SPCS2: variants seen among roughly 807,000 people sequenced by gnomAD.
The protein encoded by SPCS2 is SPase 25 kDa subunit.
A neutral mutation model predicts 22.3 loss-of-function variants in SPCS2; 3 were observed. The ratio of observed to expected loss-of-function variants is 0.13; its 90% CI spans 0.06 to 0.35. The LOEUF is 0.35. Ranked by LOEUF, SPCS2 falls within the 10% of genes least tolerant of loss-of-function variation. The pLI is 1.00. For synonymous variants in SPCS2, 67 were observed against 97.2 expected, an observed-to-expected ratio of 0.69 and a Z score of 1.83; for missense variants, 169 against 280.9, an observed-to-expected ratio of 0.60 and a Z score of 2.85.
chr11:74,950,094 G>C (rs909170915), intron 1 of SPCS2, among the ~76,000 whole-genome samples: 1 of 152,014 alleles, frequency 6.6e-6, no homozygotes, highest in African/African-American at 2.4e-5. Context: ...TAGCAACAAG[G>C]GTTTAAAAGA....
At chr11:74,967,374 T>C (rs575862371) in intron 3 of SPCS2, among the ~76,000 whole-genome samples, 1 of 152,350 alleles carries the variant, frequency 6.6e-6, no homozygotes, top group South Asian at 2.1e-4. Flanking sequence ...GTAATTCATT[T>C]GTTTGGTTAT....
At position 74,966,335 on chromosome 11, in the gene SPCS2, T is replaced by C. The variant is rs1009852276; in HGVS notation, c.359+412T>C. ...AGACTCAGATCTGTATTAAGTTTAC[T>C]TGAAGCTGAGGAGCTGAACTGGAAA... On this transcript the variant is annotated intron_variant, in intron 3 of 4. Coordinates refer to ENST00000263672, the MANE Select transcript of SPCS2 (RefSeq NM_014752.3). 3.9e-5 allele frequency among the ~76,000 whole-genome samples: 6 copies of C among 152,338 alleles called. No homozygotes were observed. In the East Asian group the frequency reaches 1.2e-3, roughly 29 times the overall value.
At chr11:74,976,296 A>C (rs487226) in intron 4 of SPCS2, among the ~76,000 whole-genome samples, 118,896 of 152,166 alleles carry the variant, frequency 0.78, 46,619 homozygotes, top group Non-Finnish European at 0.82. Context: ...TAGTGAAGAA[A>C]GTAGTACACA....
rs1400325782 is a variant in SPCS2, at chr11:74,949,618, G to A, written c.114+219G>A. ...TTTAGAACTTCTTCTTTTCTCGCAA[G>A]TGTTCTGGTCCTGGTCGCCACACCT... On this transcript the variant is annotated intron_variant, in intron 1 of 4. Coordinates refer to ENST00000263672, the MANE Select transcript of SPCS2 (RefSeq NM_014752.3). 6.6e-6 allele frequency: 4 copies of A among 606,880 alleles called. No individual in the cohort carries two copies. The African/African-American group carries it at 7.3e-5, about 11-fold the overall frequency. 37.6% of individuals were successfully genotyped at this position (606,880 alleles called of 1,614,324 possible). A position where few individuals can be genotyped will look rare whatever the true frequency, so the allele number is the denominator to read the frequency against.
At chr11:74,949,469 T>C in intron 1 of SPCS2, 70 bp downstream of exon 1, 1 of 1,310,818 alleles carries the variant, frequency 7.6e-7, no homozygotes, top group Non-Finnish European at 1.1e-6. Flanking sequence ...AACCTTCCCA[T>C]CCCGGTCTCC....
intron 4 of SPCS2, among the ~76,000 whole-genome samples, chr11:74,975,180 C>T (rs1165509430): frequency 1.3e-5 from 2 of 152,016 alleles, no homozygotes; most frequent in East Asian, 1.9e-4. Context: ...ACATTAGGCC[C>T]CTTTCTGTTC....
At chr11:74,958,365 G>A (rs1056066811) in intron 1 of SPCS2, among the ~76,000 whole-genome samples, 10 of 152,200 alleles carry the variant, frequency 6.6e-5, no homozygotes, top group Non-Finnish European at 2.9e-5. Context: ...TGAAGATTCA[G>A]TGTGTTGCTA....
At chr11:74,976,820 T>A in intron 4 of SPCS2, 37 bp from the exon 5 acceptor site, 2 of 1,612,814 alleles carry the variant, frequency 1.2e-6, no homozygotes, top group Non-Finnish European at 1.7e-6. Context: ...ATCTCTGTGT[T>A]TGGTTTTTAA....
intron 4 of SPCS2, among the ~76,000 whole-genome samples, chr11:74,970,354 A>G (rs1306186284): frequency 6.6e-6 from 1 of 152,220 alleles, no homozygotes. Context: ...TATGTTGGGT[A>G]TTCTGCTAAA....
Position 74,949,320 on chromosome 11 carries a change from G to C in SPCS2, c.35G>C (p.Gly12Ala), listed in dbSNP as rs1466850632. The change falls in exon 1 of 5, where the codon GGT becomes GCT. Residue 12 changes from glycine to alanine, a missense_variant. By Grantham distance (60) the Gly-to-Ala change is moderately conservative. Coordinates refer to ENST00000263672, the MANE Select transcript of SPCS2 (RefSeq NM_014752.3). Reference sequence around the variant, plus strand: ...GCAGCTGTACAGGGCGGGAGAAGCGGTGGTAGCGGAGGCTGTAGTGGGGCT... The same window carrying C: ...GCAGCTGTACAGGGCGGGAGAAGCGCTGGTAGCGGAGGCTGTAGTGGGGCT... ...AAAAVQGGRS[G>A]GSGGCSGAGG... The C allele has an allele frequency of 1.9e-6, 3 of 1,550,608 alleles. No homozygotes were observed. Among genetic ancestry groups the C allele is most frequent in the Non-Finnish European group, 1.7e-6 (2 of 1,146,684 alleles).
chr11:74,950,289 C>G (rs1383954339), intron 1 of SPCS2, among the ~76,000 whole-genome samples: 1 of 152,144 alleles, frequency 6.6e-6, no homozygotes, highest in Non-Finnish European at 1.5e-5. Context: ...GAGATTTAGC[C>G]TTAAAATGAG....
chr11:74,971,543 A>G (rs1948584441), intron 4 of SPCS2, among the ~76,000 whole-genome samples: 1 of 152,112 alleles, frequency 6.6e-6, no homozygotes, highest in African/African-American at 2.4e-5. Flanking sequence ...TGGAATGTGA[A>G]TGTTCTTGCT....
chr11:74,949,532 C>T (rs1209850977), intron 1 of SPCS2, 133 bp downstream of exon 1: 1 of 789,370 alleles, frequency 1.3e-6, no homozygotes, highest in Admixed American at 2.0e-5. Context: ...CTATCACAAC[C>T]CTACGCACGC....
intron 4 of SPCS2, among the ~76,000 whole-genome samples, chr11:74,972,922 A>G (rs914413782): frequency 2.0e-5 from 3 of 150,412 alleles, no homozygotes; most frequent in Admixed American, 6.6e-5. Flanking sequence ...TACTTAGGCA[A>G]TATTTTCCCC....
intron 1 of SPCS2, among the ~76,000 whole-genome samples, chr11:74,959,372 C>T (rs1948498606): frequency 6.6e-6 from 1 of 152,164 alleles, no homozygotes. Context: ...TTTTGCTGGA[C>T]ATATCCTAAT....
Position 74,977,073 on chromosome 11 carries a change from G to A in SPCS2, c.*30G>A. 7.4e-7 allele frequency: 1 copy of A among 1,359,258 alleles called. No homozygotes were observed. The highest frequency in any genetic ancestry group is 1.6e-5 in the South Asian group (1 of 63,534). 84.2% of individuals were successfully genotyped at this position (1,359,258 alleles called of 1,614,324 possible). On this transcript the variant is annotated 3_prime_UTR_variant, in exon 5 of 5. Transcript: ENST00000263672. ...TTCTAAAAGTAGCCCTCTTTCTCCT[G>A]GATCTTGCTGAATTAGTGGCTTGGG... is the stretch of plus-strand genomic sequence containing the variant.
intron 4 of SPCS2, among the ~76,000 whole-genome samples, chr11:74,976,420 C>A (rs1743273976): frequency 1.3e-5 from 2 of 152,168 alleles, no homozygotes; most frequent in Admixed American, 1.3e-4. Flanking sequence ...CTGTGGAAGA[C>A]AGAGGAAACA....
intron 1 of SPCS2, among the ~76,000 whole-genome samples, chr11:74,960,936 G>A (rs1948510052): frequency 6.6e-6 from 1 of 151,908 alleles, no homozygotes; most frequent in African/African-American, 2.4e-5. Context: ...AACCAAGTGA[G>A]ATCATTTTGA....
At chr11:74,957,973 G>A (rs1484977651) in intron 1 of SPCS2, among the ~76,000 whole-genome samples, 1 of 152,220 alleles carries the variant, frequency 6.6e-6, no homozygotes, top group African/African-American at 2.4e-5. Flanking sequence ...GCTGAATCAA[G>A]TTGTTTTAAC....
Sources: gnomAD v4.1 joint callset for allele counts (sites outside exome capture counted in the v4.1 genomes callset) on GRCh38, gnomAD v4.1.1 for gene constraint, MANE v1.5 for transcripts, NCBI Gene and HGNC (gene_info 2026-07-23, HGNC 2026-07-21) for gene names.